UBE2E2: variants seen among roughly 807,000 people sequenced by gnomAD.
UBE2E2 encodes the protein ubiquitin-conjugating enzyme E2 E2.
Under a neutral mutation model 24.7 loss-of-function variants are expected in UBE2E2, and 6 were observed. That is an observed-to-expected ratio of 0.24 (90% CI 0.13 to 0.48). The LOEUF is 0.48. UBE2E2 is among the 20% of genes least tolerant of loss of function. The probability of loss-of-function intolerance (pLI) is 0.99; values close to 1 mark genes in which losing one functional copy is unlikely to be tolerated. For missense variants in UBE2E2, 169 were observed against 245.0 expected, an observed-to-expected ratio of 0.69 and a Z score of 2.07; for synonymous variants, 104 against 83.6, an observed-to-expected ratio of 1.24 and a Z score of -1.33.
intron 3 of UBE2E2, among the ~76,000 whole-genome samples, chr3:23,248,358 C>T (rs1023143275): frequency 2.6e-5 from 4 of 152,186 alleles, no homozygotes; most frequent in African/African-American, 7.2e-5. Flanking sequence ...TGAGACTGCA[C>T]CTTAATTCTC....
At chr3:23,331,299 A>G (rs1390968739) in intron 3 of UBE2E2, among the ~76,000 whole-genome samples, 9 of 152,234 alleles carry the variant, frequency 5.9e-5, no homozygotes, top group African/African-American at 1.2e-4. Context: ...GATAGGTGCC[A>G]GGTTTAGGTG....
At chr3:23,489,751 G>A (rs1208910916) in intron 3 of UBE2E2, among the ~76,000 whole-genome samples, 1 of 152,134 alleles carries the variant, frequency 6.6e-6, no homozygotes, top group Non-Finnish European at 1.5e-5. Flanking sequence ...TACTGGGAGT[G>A]GGGGACCCCT....
At chr3:23,333,497 T>C (rs1459849653) in intron 3 of UBE2E2, among the ~76,000 whole-genome samples, 1 of 152,126 alleles carries the variant, frequency 6.6e-6, no homozygotes, top group Non-Finnish European at 1.5e-5. Flanking sequence ...CTAAACCTTT[T>C]GTACTCCTAG....
chr3:23,263,214 G>A (rs989337751), intron 3 of UBE2E2, among the ~76,000 whole-genome samples: 1 of 152,166 alleles, frequency 6.6e-6, no homozygotes, highest in Non-Finnish European at 1.5e-5. Flanking sequence ...ACACATACTT[G>A]AGTTAGGTAA....
chr3:23,507,185 C>G (rs900059577), intron 4 of UBE2E2, among the ~76,000 whole-genome samples: 1 of 152,144 alleles, frequency 6.6e-6, no homozygotes, highest in African/African-American at 2.4e-5. Flanking sequence ...CTTCATTTCT[C>G]CCTTGATGTC....
intron 3 of UBE2E2, among the ~76,000 whole-genome samples, chr3:23,421,531 C>T (rs889912043): frequency 5.3e-5 from 8 of 152,176 alleles, no homozygotes; most frequent in African/African-American, 1.9e-4. Flanking sequence ...CCCAGCCTCC[C>T]GAGTAGCTGA....
chr3:23,505,922 G>T (rs746949304), intron 4 of UBE2E2, among the ~76,000 whole-genome samples: 2 of 152,130 alleles, frequency 1.3e-5, no homozygotes, highest in African/African-American at 4.8e-5. Context: ...AATTAGTTAC[G>T]ATAAGAAACA....
At chr3:23,442,384 T>A (rs1263892690) in intron 3 of UBE2E2, among the ~76,000 whole-genome samples, 1 of 152,068 alleles carries the variant, frequency 6.6e-6, no homozygotes, top group Non-Finnish European at 1.5e-5. Context: ...TCTGGCTTCT[T>A]GTAAGAGAGG....
chr3:23,586,909 T>C (rs1370814686), intron 5 of UBE2E2, among the ~76,000 whole-genome samples: 10 of 22,318 alleles, frequency 4.5e-4, no homozygotes, highest in African/African-American at 2.0e-3. Context: ...ATTAATCCCT[T>C]TTTTTTTTTT....
rs539342623 is a variant in UBE2E2 at position 23,251,059 on chromosome 3, A to G, written c.227+33747A>G. Among the ~76,000 whole-genome samples the G allele has an allele frequency of 2.0e-4, 30 of 152,238 alleles. No individual in the cohort carries two copies. The South Asian group carries it at 6.0e-3, about 31-fold the overall frequency. ...TTATTTGTAAAGACAGGGTCTTGCT[A>G]TGTTGCCCACGCTGGTCTCAAACTC... On this transcript the variant is annotated intron_variant, in intron 3 of 5. Coordinates refer to ENST00000396703, the MANE Select transcript of UBE2E2 (RefSeq NM_152653.4).
At chr3:23,358,757 A>G (rs1407890073) in intron 3 of UBE2E2, among the ~76,000 whole-genome samples, 1 of 152,244 alleles carries the variant, frequency 6.6e-6, no homozygotes. Flanking sequence ...TGCTATGGAA[A>G]GCAAAAAAGC....
At chr3:23,423,759 C>T (rs944948930) in intron 3 of UBE2E2, among the ~76,000 whole-genome samples, 3 of 152,162 alleles carry the variant, frequency 2.0e-5, no homozygotes, top group Non-Finnish European at 4.4e-5. Flanking sequence ...TTATGATACT[C>T]ATGAATGTTT....
chr3:23,429,473 G>A (rs1204500243), intron 3 of UBE2E2, among the ~76,000 whole-genome samples: 1 of 152,146 alleles, frequency 6.6e-6, no homozygotes, highest in Non-Finnish European at 1.5e-5. Flanking sequence ...TGCAAGGCTG[G>A]TTCAGCATTC....
intron 4 of UBE2E2, among the ~76,000 whole-genome samples, chr3:23,530,207 A>G (rs1378191007): frequency 6.6e-6 from 1 of 152,166 alleles, no homozygotes; most frequent in Non-Finnish European, 1.5e-5. Context: ...AATGTTTCTT[A>G]AATGTTCCTT....
intron 3 of UBE2E2, among the ~76,000 whole-genome samples, chr3:23,396,307 A>ATATATATATATATGTATATATACACGTG (rs1559371460): frequency 8.2e-6 from 1 of 122,192 alleles, no homozygotes; most frequent in African/African-American, 3.1e-5. Flanking sequence ...TATTTTTTAT[A>ATATATATATATATGTATATATACACGTG]TATATATATA....
chr3:23,377,138 TTC>T (rs1696544567), intron 3 of UBE2E2, among the ~76,000 whole-genome samples: 1 of 152,190 alleles, frequency 6.6e-6, no homozygotes, highest in East Asian at 1.9e-4. Flanking sequence ...TGGGTCCGTG[TTC>T]TGTTTCTGAC....
At chr3:23,490,420 G>A (rs1163811018) in intron 3 of UBE2E2, among the ~76,000 whole-genome samples, 1 of 152,186 alleles carries the variant, frequency 6.6e-6, no homozygotes, top group Non-Finnish European at 1.5e-5. Context: ...AGAAAAGGAA[G>A]AATATACAGT....
At chr3:23,489,488 T>C (rs1229328341) in intron 3 of UBE2E2, among the ~76,000 whole-genome samples, 1 of 152,196 alleles carries the variant, frequency 6.6e-6, no homozygotes, top group Non-Finnish European at 1.5e-5. Context: ...GACATTAGCA[T>C]GCAAGATGTC....
rs929082217 is a variant in UBE2E2, at chr3:23,589,456, C to T, written c.509-278C>T. Reference sequence around the variant, plus strand: ...AAAAAAAAAACCAATACGAGGGGAGCAAGGTGAGAAGTATGTGGTGGGTAC... The same window carrying T: ...AAAAAAAAAACCAATACGAGGGGAGTAAGGTGAGAAGTATGTGGTGGGTAC... On this transcript the variant is annotated intron_variant, in intron 5 of 5. Coordinates refer to ENST00000396703, the MANE Select transcript of UBE2E2 (RefSeq NM_152653.4). The surrounding 1 kb of genome is among the most constrained non-coding windows in gnomAD (Gnocchi z 4.1). 5.3e-5 allele frequency among the ~76,000 whole-genome samples: 8 copies of T among 151,190 alleles called. No homozygotes were observed. The highest frequency in any genetic ancestry group is 1.0e-4 in the Non-Finnish European group (7 of 67,818).
Sources: allele counts gnomAD v4.1 joint callset (sites outside exome capture counted in the v4.1 genomes callset), GRCh38; gene constraint gnomAD v4.1.1; non-coding constraint Gnocchi (gnomAD v3.1); transcripts MANE v1.5; gene names NCBI Gene and HGNC (gene_info 2026-07-23, HGNC 2026-07-21).